Variants in HECTD2 observed in about 807,000 individuals in gnomAD.
The protein encoded by HECTD2 is probable E3 ubiquitin-protein ligase HECTD2.
HECTD2 carries 35 observed loss-of-function variants against 103.2 expected under a neutral mutation model. The observed-to-expected ratio is 0.34, with a 90% CI of 0.26 to 0.45. The LOEUF (loss-of-function observed/expected upper bound fraction) is 0.45, where lower values mean the gene tolerates loss of function less well. Among genes scored for constraint, HECTD2 ranks in the 20% least tolerant of loss-of-function variants. HECTD2 has a pLI of 1.00. For synonymous variants in HECTD2, 281 were observed against 329.9 expected (o/e 0.85, Z 1.61); for missense variants, 596 against 937.4 (o/e 0.64, Z 4.76).
rs540216041 is a variant in HECTD2 at position 91,500,969 on chromosome 10, A to G, written c.2067-222A>G. Among the ~76,000 whole-genome samples the G allele has an allele frequency of 5.1e-4, 77 of 152,262 alleles. 2 individuals carry two copies. The highest frequency in any genetic ancestry group is 1.8e-3 in the African/African-American group (76 of 41,578). ...TATGCAGGAGAAAAATGGTTCCTGTACTATCCACTGCTGAACTTATATACT... is the reference window on the plus strand; with the variant it reads ...TATGCAGGAGAAAAATGGTTCCTGTGCTATCCACTGCTGAACTTATATACT... On this transcript the variant is annotated intron_variant, in intron 19 of 20. Transcript: ENST00000298068.
intron 2 of HECTD2, among the ~76,000 whole-genome samples, chr10:91,437,881 C>A (rs1844200684): frequency 6.6e-6 from 1 of 151,664 alleles, no homozygotes; most frequent in African/African-American, 2.4e-5. Context: ...TGAAAGTGAT[C>A]TAAGAAATGA....
intron 14 of HECTD2, 122 bp downstream of exon 14, chr10:91,493,630 G>T: frequency 1.9e-6 from 1 of 535,106 alleles, no homozygotes; most frequent in Non-Finnish European, 3.3e-6. Context: ...ATTGTCAAAT[G>T]TACTATTAGA....
intron 10 of HECTD2, chr10:91,485,613 A>G (rs893940066): frequency 8.4e-5 from 17 of 203,178 alleles, no homozygotes; most frequent in African/African-American, 1.2e-4. Context: ...CTTTTTCTGT[A>G]AAGAACTAGA....
chr10:91,451,183 A>T (rs746117086), intron 2 of HECTD2, among the ~76,000 whole-genome samples: 3 of 152,216 alleles, frequency 2.0e-5, no homozygotes, highest in African/African-American at 7.2e-5. Flanking sequence ...ATGTAATACT[A>T]TGCAGCCATA....
chr10:91,511,758 C>T (rs1398503427), intron 20 of HECTD2, among the ~76,000 whole-genome samples: 2 of 152,166 alleles, frequency 1.3e-5, no homozygotes, highest in African/African-American at 2.4e-5. Context: ...TCGCCTGCCA[C>T]TCACCTCCTG....
At chr10:91,452,084 A>C (rs1422771392) in intron 2 of HECTD2, among the ~76,000 whole-genome samples, 2 of 152,142 alleles carry the variant, frequency 1.3e-5, no homozygotes, top group Admixed American at 1.3e-4. Flanking sequence ...AATAGAAATT[A>C]TCCAGTCTTA....
chr10:91,469,383 C>G (rs1845646535), intron 5 of HECTD2, among the ~76,000 whole-genome samples: 1 of 152,186 alleles, frequency 6.6e-6, no homozygotes, highest in African/African-American at 2.4e-5. Context: ...AGTGAGAACC[C>G]TATCAGGCTA....
chr10:91,496,521 C>A, intron 15 of HECTD2, 149 bp downstream of exon 15: 1 of 598,490 alleles, frequency 1.7e-6, no homozygotes, highest in Non-Finnish European at 2.7e-6. Context: ...CTAGCTTTTT[C>A]TTTCCTTAGA....
chr10:91,502,295 C>T (rs1366575558), intron 20 of HECTD2, among the ~76,000 whole-genome samples: 1 of 152,154 alleles, frequency 6.6e-6, no homozygotes, highest in Non-Finnish European at 1.5e-5. Flanking sequence ...TGCCTTTCTT[C>T]CTCCATGCTT....
intron 20 of HECTD2, among the ~76,000 whole-genome samples, chr10:91,504,772 G>A (rs1227801099): frequency 2.0e-5 from 3 of 151,750 alleles, no homozygotes; most frequent in Admixed American, 2.0e-4. Flanking sequence ...AGGAAATACA[G>A]AGAACACCAC....
intron 2 of HECTD2, among the ~76,000 whole-genome samples, chr10:91,428,870 TC>T (rs1438302915): frequency 6.6e-6 from 1 of 152,042 alleles, no homozygotes; most frequent in Admixed American, 6.6e-5. Flanking sequence ...ACCCTTTATG[TC>T]CTTCTCCTGT....
upstream of HECTD2, among the ~76,000 whole-genome samples, chr10:91,410,115 C>T (rs1014390306): frequency 1.1e-4 from 16 of 151,988 alleles, no homozygotes; most frequent in African/African-American, 3.9e-4. Context: ...GTGGCGCCTT[C>T]TCTCCGGGCC....
intron 2 of HECTD2, among the ~76,000 whole-genome samples, chr10:91,436,861 T>C (rs940997311): frequency 6.6e-6 from 1 of 152,042 alleles, no homozygotes; most frequent in African/African-American, 2.4e-5. Flanking sequence ...CTCTGCTTCT[T>C]TTTACCTTTG....
chr10:91,464,175 A>G (rs1050681160), intron 5 of HECTD2, among the ~76,000 whole-genome samples: 6 of 152,184 alleles, frequency 3.9e-5, no homozygotes, highest in African/African-American at 1.2e-4. Flanking sequence ...CAAAAGTCCA[A>G]TTCTTAAAGG....
chr10:91,467,897 C>T (rs975965802), intron 5 of HECTD2, among the ~76,000 whole-genome samples: 5 of 151,326 alleles, frequency 3.3e-5, no homozygotes, highest in African/African-American at 9.7e-5. Flanking sequence ...ACCATGCTGA[C>T]ACCACTGTTG....
At position 91,460,565 on chromosome 10, in the gene HECTD2, A is replaced by G. The variant is rs754729832; in HGVS notation, c.407A>G (p.Gln136Arg). The G allele has an allele frequency of 3.7e-6, 6 of 1,606,846 alleles. No individual in the cohort carries two copies. The South Asian group carries it at 6.7e-5, about 18-fold the overall frequency. Reference protein sequence around the residue: ...PIQPKTVKDFQEDVEKVKSSG... With the variant: ...PIQPKTVKDFREDVEKVKSSG... ...CAGCCCAAAACTGTGAAAGACTTTC[A>G]GTAAGTTTCAGCTATTATATGTAAA... The change falls in exon 3 of 21, where the codon CAG (glutamine) becomes CGG (arginine). Residue 136 changes from glutamine to arginine, a missense_variant and splice_region_variant. By Grantham distance (43) the Gln-to-Arg change is conservative (BLOSUM62 1). Transcript: ENST00000298068.
chr10:91,473,803 T>C (rs538922956), intron 5 of HECTD2, among the ~76,000 whole-genome samples: 19 of 152,324 alleles, frequency 1.2e-4, no homozygotes, highest in African/African-American at 4.6e-4. Context: ...AAATATGTGT[T>C]AATAAACTAT....
chr10:91,498,009 G>C, intron 15 of HECTD2, 99 bp from the exon 16 acceptor site: 1 of 743,370 alleles, frequency 1.3e-6, no homozygotes, highest in Admixed American at 2.1e-5. Context: ...TGTCAAATAT[G>C]ATCTTTATAT....
chr10:91,482,389 C>T (rs1375025706), intron 7 of HECTD2, among the ~76,000 whole-genome samples: 1 of 151,870 alleles, frequency 6.6e-6, no homozygotes, highest in Non-Finnish European at 1.5e-5. Context: ...ATTCCTTCAG[C>T]GTCCCTTTAT....
Sources: allele counts gnomAD v4.1 joint callset (sites outside exome capture counted in the v4.1 genomes callset), GRCh38; gene constraint gnomAD v4.1.1; transcripts MANE v1.5; gene names NCBI Gene and HGNC (gene_info 2026-07-23, HGNC 2026-07-21).